The following EDIL3 variants were observed in gnomAD, a reference collection of about 807,000 sequenced individuals.
EDIL3 encodes the protein EGF-like repeat and discoidin I-like domain-containing protein 3.
In EDIL3, 37 loss-of-function variants were observed where a neutral mutation model predicts 67.4. The observed-to-expected ratio is 0.55, with a 90% confidence interval of 0.42 to 0.72. The LOEUF (loss-of-function observed/expected upper bound fraction) is 0.72, where lower values mean the gene tolerates loss of function less well. Ranked by LOEUF, EDIL3 falls within the 30% of genes least tolerant of loss-of-function variation. The probability of loss-of-function intolerance (pLI) is 0.00; values close to 1 mark genes in which losing one functional copy is unlikely to be tolerated. For missense variants in EDIL3, 527 were observed against 586.3 expected (o/e 0.90, Z 1.04); for synonymous variants, 195 against 196.3 (o/e 0.99, Z 0.05).
chr5:84,005,794 T>C (rs182810331), intron 9 of EDIL3, among the ~76,000 whole-genome samples: 108 of 152,168 alleles, frequency 7.1e-4, no homozygotes, highest in African/African-American at 2.5e-3. Flanking sequence ...ACCTATTGAA[T>C]TCAACATATT....
chr5:84,283,609 T>C (rs1006540928), intron 1 of EDIL3, among the ~76,000 whole-genome samples: 34 of 152,196 alleles, frequency 2.2e-4, no homozygotes, highest in African/African-American at 7.7e-4. Flanking sequence ...TCCACATTTC[T>C]AACCATATTG....
intron 4 of EDIL3, among the ~76,000 whole-genome samples, chr5:84,158,412 C>T (rs1210803589): frequency 6.6e-6 from 1 of 152,016 alleles, no homozygotes; most frequent in African/African-American, 2.4e-5. Context: ...AGCTGCATTC[C>T]TACATATCTA....
chr5:84,120,291 T>C (rs527471100), intron 5 of EDIL3, among the ~76,000 whole-genome samples: 32 of 152,102 alleles, frequency 2.1e-4, no homozygotes, highest in Admixed American at 2.0e-3. Context: ...GGTGGCAATA[T>C]CCACTTAAAA....
In EDIL3 at chr5:84,009,091, C is replaced by T. The variant is rs187392870; in HGVS notation, c.1138-45731G>A. Among the ~76,000 whole-genome samples, 330 of 152,260 alleles carry T rather than the reference C, an allele frequency of 2.2e-3. 6 individuals are homozygous for T. The South Asian group carries it at 0.031, about 14-fold the overall frequency. On this transcript the variant is annotated intron_variant, in intron 9 of 10. Transcript: ENST00000296591. ...CCTCCCAAAGTGCTGGGATTACAGGCGTGAGCCACCGCACATGGCCACTTC... is the reference window on the plus strand; with the variant it reads ...CCTCCCAAAGTGCTGGGATTACAGGTGTGAGCCACCGCACATGGCCACTTC...
At chr5:84,315,304 G>A (rs1368001279) in intron 1 of EDIL3, among the ~76,000 whole-genome samples, 2 of 152,120 alleles carry the variant, frequency 1.3e-5, no homozygotes, top group Admixed American at 1.3e-4. Flanking sequence ...TAGAACTAGA[G>A]CAATCCAGAG....
chr5:84,197,356 A>G (rs1249381821), intron 3 of EDIL3, among the ~76,000 whole-genome samples: 2 of 152,018 alleles, frequency 1.3e-5, no homozygotes, highest in Non-Finnish European at 2.9e-5. Flanking sequence ...TTTACAGAAC[A>G]AATAGAAGTT....
At chr5:84,083,000 C>T (rs772428807) in intron 6 of EDIL3, among the ~76,000 whole-genome samples, 2 of 152,132 alleles carry the variant, frequency 1.3e-5, no homozygotes, top group Admixed American at 1.3e-4. Context: ...TCTGTAATGA[C>T]GTTTACCTGG....
intron 2 of EDIL3, among the ~76,000 whole-genome samples, chr5:84,243,915 A>C (rs532504946): frequency 6.6e-6 from 1 of 152,280 alleles, no homozygotes; most frequent in Admixed American, 6.5e-5. Context: ...AAAAATTGTT[A>C]CCCATGTACT....
intron 1 of EDIL3, among the ~76,000 whole-genome samples, chr5:84,271,568 C>T (rs1444747694): frequency 6.6e-6 from 1 of 151,982 alleles, no homozygotes; most frequent in African/African-American, 2.4e-5. Flanking sequence ...CATGAAGCCC[C>T]CAGTCACTGA....
At chr5:84,138,380 T>C (rs1748130016) in intron 4 of EDIL3, among the ~76,000 whole-genome samples, 2 of 152,354 alleles carry the variant, frequency 1.3e-5, no homozygotes, top group African/African-American at 4.8e-5. Context: ...GCCCTGTTCC[T>C]TGTATTCCTG....
intron 8 of EDIL3, among the ~76,000 whole-genome samples, chr5:84,061,891 TA>T (rs1426557544): frequency 1.3e-5 from 2 of 152,134 alleles, no homozygotes; most frequent in Non-Finnish European, 2.9e-5. Flanking sequence ...TTTTGGAGTC[TA>T]AACTATAAAA....
intron 1 of EDIL3, among the ~76,000 whole-genome samples, chr5:84,285,128 A>G (rs1269515018): frequency 6.6e-6 from 1 of 152,196 alleles, no homozygotes; most frequent in East Asian, 1.9e-4. Flanking sequence ...AGTAAATTTG[A>G]ATGTTCTTGA....
intron 9 of EDIL3, among the ~76,000 whole-genome samples, chr5:84,049,869 C>G (rs1746297653): frequency 6.6e-6 from 1 of 152,248 alleles, no homozygotes; most frequent in East Asian, 1.9e-4. Context: ...AGCAGCAACT[C>G]AAGAAAGCTA....
intron 1 of EDIL3, among the ~76,000 whole-genome samples, chr5:84,342,707 T>C (rs181030964): frequency 1.3e-5 from 2 of 152,116 alleles, no homozygotes; most frequent in African/African-American, 4.8e-5. Context: ...GAGAGGTGAA[T>C]TGATTACTTT....
intron 4 of EDIL3, among the ~76,000 whole-genome samples, chr5:84,144,890 G>A (rs1748266541): frequency 6.6e-6 from 1 of 152,050 alleles, no homozygotes; most frequent in Non-Finnish European, 1.5e-5. Context: ...TTCCTATAGT[G>A]AGTTATCAGA....
chr5:84,332,370 T>A (rs997277905), intron 1 of EDIL3, among the ~76,000 whole-genome samples: 2 of 152,134 alleles, frequency 1.3e-5, no homozygotes, highest in African/African-American at 4.8e-5. Flanking sequence ...AAAATCTGTC[T>A]CCAAAAAAAG....
intron 4 of EDIL3, among the ~76,000 whole-genome samples, chr5:84,175,131 T>C (rs941692416): frequency 2.0e-5 from 3 of 152,186 alleles, no homozygotes; most frequent in African/African-American, 7.2e-5. Flanking sequence ...ATAAACCCCA[T>C]GTCTCATTGC....
chr5:84,341,017 C>T (rs1747100705), intron 1 of EDIL3, among the ~76,000 whole-genome samples: 1 of 151,934 alleles, frequency 6.6e-6, no homozygotes, highest in Admixed American at 6.6e-5. Flanking sequence ...TCAGGGAAGA[C>T]TTAACAGAAA....
At chr5:84,065,123 A>G (rs1746614865) in intron 7 of EDIL3, among the ~76,000 whole-genome samples, 1 of 152,166 alleles carries the variant, frequency 6.6e-6, no homozygotes, top group South Asian at 2.1e-4. Flanking sequence ...GAACCAGGGC[A>G]GCGCTCTTCT....
Sources: allele counts gnomAD v4.1 joint callset (sites outside exome capture counted in the v4.1 genomes callset), GRCh38; gene constraint gnomAD v4.1.1; transcripts MANE v1.5; gene names NCBI Gene and HGNC (gene_info 2026-07-23, HGNC 2026-07-21).